GSDME: variants seen among roughly 807,000 people sequenced by gnomAD.
GSDME encodes gasdermin-E.
A neutral mutation model predicts 47.5 loss-of-function variants in GSDME; 44 were observed. The observed-to-expected ratio is 0.93, with a 90% CI of 0.73 to 1.19. GSDME has a LOEUF of 1.19. Ranked by LOEUF, GSDME falls within the 50% of genes most tolerant of loss-of-function variation. The pLI is 0.00. For synonymous variants in GSDME, 258 were observed against 252.8 expected (o/e 1.02, Z -0.20); for missense variants, 663 against 604.2 (o/e 1.10, Z -1.02).
At chr7:24,765,473 G>T in the GSDME span, among the ~76,000 whole-genome samples, 1 of 152,148 alleles carries the variant, frequency 6.6e-6, no homozygotes, top group African/African-American at 2.4e-5. Flanking sequence ...GATGTGTTAG[G>T]TTACAGTTCA....
rs563616213 is a variant in GSDME at position 24,714,422 on chromosome 7, C to T, written c.697+2832G>A. ...ATTCTGTAGCAAGAGCAACAGAAAA[C>T]GGATGGGCAAAAAAAAGAAAAGAAA... On this transcript the variant is annotated intron_variant, in intron 5 of 9. Coordinates refer to ENST00000645220, the MANE Select transcript of GSDME (RefSeq NM_001127453.2). The surrounding 1 kb of genome is among the most constrained non-coding windows in gnomAD (Gnocchi z 5.0). Among the ~76,000 whole-genome samples the T allele has an allele frequency of 9.9e-5, 15 of 151,940 alleles. No individual in the cohort carries two copies. The highest frequency in any genetic ancestry group is 1.9e-4 in the Non-Finnish European group (13 of 67,984).
chr7:24,795,014 C>T, the GSDME span, among the ~76,000 whole-genome samples: 1 of 151,722 alleles, frequency 6.6e-6, no homozygotes, highest in African/African-American at 2.4e-5. Context: ...ACCAAGGTGC[C>T]AATAAAGGCA....
At chr7:24,753,022 G>A (rs1216691179) in intron 1 of GSDME, among the ~76,000 whole-genome samples, 2 of 151,444 alleles carry the variant, frequency 1.3e-5, no homozygotes. Flanking sequence ...ACATCAAACA[G>A]CTAATTTGCC....
intron 2 of GSDME, among the ~76,000 whole-genome samples, chr7:24,749,257 T>A (rs906321194): frequency 6.6e-6 from 1 of 152,130 alleles, no homozygotes; most frequent in Non-Finnish European, 1.5e-5. Flanking sequence ...ATCTCAGCAC[T>A]TTGGGAGACC....
chr7:24,705,638 G>T lies in GSDME; in HGVS notation c.1183+546C>A, dbSNP rs1235526259. On this transcript the variant is annotated intron_variant, in intron 8 of 9. Coordinates refer to ENST00000645220, the MANE Select transcript of GSDME (RefSeq NM_001127453.2). The surrounding 1 kb of genome is among the most constrained non-coding windows in gnomAD (Gnocchi z 4.1). Reference sequence around the variant, plus strand: ...CAGTAACTGGATGGCTGCTCCCCTGGGAGGCCATTTCAGGACCAGTGCAGA... The same window carrying T: ...CAGTAACTGGATGGCTGCTCCCCTGTGAGGCCATTTCAGGACCAGTGCAGA... The T allele has an allele frequency of 5.7e-6, 1 of 176,102 alleles. No homozygotes were observed. Among genetic ancestry groups the T allele is most frequent in the African/African-American group, 2.4e-5 (1 of 41,974 alleles). The allele number at this position is 176,102 out of a possible 1,614,324, so 10.9% of individuals were successfully genotyped here. A position where few individuals can be genotyped will look rare whatever the true frequency, so the allele number is the denominator to read the frequency against.
At chr7:24,709,994 G>A (rs1391757837) in intron 6 of GSDME, among the ~76,000 whole-genome samples, 2 of 152,130 alleles carry the variant, frequency 1.3e-5, no homozygotes, top group South Asian at 2.1e-4. Context: ...CCCATGGAGC[G>A]TCATTCTCCC....
chr7:24,725,927 A>G lies in GSDME; in HGVS notation c.405-6709T>C, dbSNP rs544184475. On this transcript the variant is annotated intron_variant, in intron 3 of 9. Transcript: ENST00000645220. This position sits in a 1 kb window ranked among gnomAD's most constrained non-coding sequence, Gnocchi z 5.1. Reference sequence around the variant, plus strand: ...ATTAAGAGCATGGCTCCATGGACACAGGACAGGAGTTGGATACAAGACGCG... The same window carrying G: ...ATTAAGAGCATGGCTCCATGGACACGGGACAGGAGTTGGATACAAGACGCG... 6.6e-6 allele frequency among the ~76,000 whole-genome samples: 1 copy of G among 152,318 alleles called. No homozygotes were observed. Among genetic ancestry groups the G allele is most frequent in the South Asian group, 2.1e-4 (1 of 4,820 alleles).
intron 2 of GSDME, among the ~76,000 whole-genome samples, chr7:24,746,705 C>G (rs1790679106): frequency 6.6e-6 from 1 of 152,122 alleles, no homozygotes. Context: ...TCTGAAAAGC[C>G]ACTCTAGACA....
chr7:24,755,827 A>G (rs1200535725), intron 1 of GSDME, among the ~76,000 whole-genome samples: 1 of 152,206 alleles, frequency 6.6e-6, no homozygotes, highest in Non-Finnish European at 1.5e-5. Context: ...GTTACGGTGG[A>G]AACAGAAATC....
chr7:24,730,032 G>C (rs547716031), intron 3 of GSDME, among the ~76,000 whole-genome samples: 61 of 152,316 alleles, frequency 4.0e-4, no homozygotes, highest in Non-Finnish European at 7.5e-4. Context: ...GTGTGGGAGA[G>C]AAGGTGAAGA....
chr7:24,757,465 G>A (rs1224624583), upstream of GSDME: 1 of 151,734 alleles, frequency 6.6e-6, no homozygotes, highest in Non-Finnish European at 1.5e-5. This position sits in a 1 kb window ranked among gnomAD's most constrained non-coding sequence, Gnocchi z 5.9. Flanking sequence ...AGCCTGCGCT[G>A]GGCCGGCGGG....
chr7:24,715,371 C>T, intron 5 of GSDME: 1 of 446,802 alleles, frequency 2.2e-6, no homozygotes, highest in Admixed American at 2.4e-5. Context: ...AGAGGGTAAC[C>T]ATGCTGGGTG....
Position 24,733,557 on chromosome 7 carries a change from A to G in GSDME, c.404+11005T>C, listed in dbSNP as rs1790210538. 6.6e-6 allele frequency among the ~76,000 whole-genome samples: 1 copy of G among 152,094 alleles called. No homozygotes were observed. The highest frequency in any genetic ancestry group is 1.5e-5 in the Non-Finnish European group (1 of 68,024). On this transcript the variant is annotated intron_variant, in intron 3 of 9. Transcript: ENST00000645220. The surrounding 1 kb of genome is among the most constrained non-coding windows in gnomAD (Gnocchi z 4.3). ...CCCACAGGGGACCCCACTGCCCTGA[A>G]GAGTGCGTCTCAAACCTGCCAGCAT...
chr7:24,792,567 A>G, the GSDME span, among the ~76,000 whole-genome samples: 2 of 152,384 alleles, frequency 1.3e-5, no homozygotes, highest in Admixed American at 1.3e-4. Flanking sequence ...GTTAATAACT[A>G]GATGGTCAGC....
At chr7:24,779,148 C>G in the GSDME span, among the ~76,000 whole-genome samples, 4 of 152,144 alleles carry the variant, frequency 2.6e-5, no homozygotes, top group African/African-American at 9.7e-5. This position sits in a 1 kb window ranked among gnomAD's most constrained non-coding sequence, Gnocchi z 6.0. Context: ...CCTAAAATAA[C>G]TGAAAGGCAG....
At position 24,754,313 on chromosome 7, in the gene GSDME, C is replaced by T. The variant is rs1790948513; in HGVS notation, c.-20+3083G>A. Among the ~76,000 whole-genome samples, 1 of 151,998 alleles carries T rather than the reference C, an allele frequency of 6.6e-6. No homozygotes were observed. The highest frequency in any genetic ancestry group is 2.1e-4 in the South Asian group (1 of 4,802). The stretch of plus-strand genomic sequence containing the variant: ...ACCAGCCTGGCCCAACATGGTGAAA[C>T]CCGGTCTGTACTAAAAATACAAAAA... On this transcript the variant is annotated intron_variant, in intron 1 of 9. Transcript: ENST00000645220. This position sits in a 1 kb window ranked among gnomAD's most constrained non-coding sequence, Gnocchi z 5.0.
intron 3 of GSDME, among the ~76,000 whole-genome samples, chr7:24,740,962 C>T (rs1004018497): frequency 2.6e-5 from 4 of 152,122 alleles, no homozygotes; most frequent in Admixed American, 6.5e-5. Flanking sequence ...GGAAAACAGC[C>T]GGGACCGCGG....
the GSDME span, among the ~76,000 whole-genome samples, chr7:24,784,339 C>T: frequency 6.6e-6 from 1 of 152,140 alleles, no homozygotes; most frequent in Admixed American, 6.5e-5. Context: ...AAGGTGAAGT[C>T]CCACGATAGG....
At position 24,708,132 on chromosome 7, in the gene GSDME, G is replaced by T; in HGVS notation, c.985C>A (p.Pro329Thr). 1.2e-6 allele frequency: 2 copies of T among 1,614,150 alleles called. No individual in the cohort carries two copies. Among genetic ancestry groups the T allele is most frequent in the Non-Finnish European group, 1.7e-6 (2 of 1,180,024 alleles). The change falls in exon 7 of 10, where the codon CCA (proline) becomes ACA (threonine). Residue 329 changes from proline (P) to threonine (T), a missense_variant. Pro to Thr is a conservative substitution (Grantham distance 38, BLOSUM62 -1). Coordinates refer to ENST00000645220, the MANE Select transcript of GSDME (RefSeq NM_001127453.2). ...TGAGATGTCTCAGGGCTCACCACTG[G>T]TTCCAGGACCATGAGTAGTTCATCA... ...FDDELLMVLE[P>T]VCDDLVSGLS...
Sources: gnomAD v4.1 joint callset for allele counts (sites outside exome capture counted in the v4.1 genomes callset) on GRCh38, gnomAD v4.1.1 for gene constraint, Gnocchi (gnomAD v3.1) non-coding constraint, MANE v1.5 for transcripts, NCBI Gene and HGNC (gene_info 2026-07-23, HGNC 2026-07-21) for gene names.